Variants in DLG2 observed in about 807,000 individuals in gnomAD.
DLG2 encodes the protein discs large MAGUK scaffold protein 2.
Under a neutral mutation model 132.5 loss-of-function variants are expected in DLG2, and 45 were observed. The observed-to-expected ratio is 0.34, with a 90% CI of 0.27 to 0.44. The LOEUF is 0.44. DLG2 is among the 20% of genes least tolerant of loss of function. DLG2 has a pLI of 1.00. For missense variants in DLG2, 1,045 were observed against 1,196.9 expected (o/e 0.87, Z 1.87); for synonymous variants, 424 against 419.6 (o/e 1.01, Z -0.13).
intron 4 of DLG2, among the ~76,000 whole-genome samples, chr11:85,216,617 A>C (rs2082613690): frequency 1.3e-5 from 2 of 152,206 alleles, no homozygotes. Context: ...AATTTGATTT[A>C]GGTAGGTACC....
chr11:85,399,207 G>C (rs1317672843), intron 3 of DLG2, among the ~76,000 whole-genome samples: 1 of 152,032 alleles, frequency 6.6e-6, no homozygotes, highest in Non-Finnish European at 1.5e-5. Flanking sequence ...AAAATACCTA[G>C]GAATCCAACT....
chr11:85,618,707 T>C (rs919018449), intron 2 of DLG2, among the ~76,000 whole-genome samples: 1 of 152,168 alleles, frequency 6.6e-6, no homozygotes, highest in Non-Finnish European at 1.5e-5. Flanking sequence ...TCACACAATA[T>C]ACTCATGTAA....
intron 16 of DLG2, among the ~76,000 whole-genome samples, chr11:83,842,004 T>C (rs1473076113): frequency 6.6e-6 from 1 of 152,236 alleles, no homozygotes; most frequent in East Asian, 1.9e-4. Flanking sequence ...TCTTAAAAGG[T>C]ATTATTCTTT....
intron 6 of DLG2, among the ~76,000 whole-genome samples, chr11:84,695,242 T>C (rs1454667784): frequency 2.6e-5 from 4 of 151,546 alleles, no homozygotes; most frequent in Non-Finnish European, 3.0e-5. Flanking sequence ...AGTGAATTCA[T>C]AGAGGTTAAG....
intron 19 of DLG2, among the ~76,000 whole-genome samples, chr11:83,619,212 C>G (rs943463971): frequency 3.9e-5 from 6 of 152,164 alleles, no homozygotes; most frequent in African/African-American, 7.2e-5. Context: ...ACTAGTATAA[C>G]TTCATGTCAA....
chr11:85,053,114 T>C (rs1389469047), intron 6 of DLG2, among the ~76,000 whole-genome samples: 1 of 152,178 alleles, frequency 6.6e-6, no homozygotes, highest in Non-Finnish European at 1.5e-5. Context: ...ACATCCTAGC[T>C]AATCGACTAT....
intron 6 of DLG2, among the ~76,000 whole-genome samples, chr11:84,814,254 G>A (rs1333766782): frequency 6.6e-6 from 1 of 152,050 alleles, no homozygotes; most frequent in Non-Finnish European, 1.5e-5. Flanking sequence ...ACGTTGAGCA[G>A]TGGATGAGCA....
At chr11:84,793,814 G>C (rs889203876) in intron 6 of DLG2, among the ~76,000 whole-genome samples, 1 of 152,050 alleles carries the variant, frequency 6.6e-6, no homozygotes, top group Admixed American at 6.6e-5. Flanking sequence ...TTTCTTATAG[G>C]GAACAGATAA....
At chr11:85,604,689 G>A (rs1565748925) in intron 2 of DLG2, among the ~76,000 whole-genome samples, 1 of 152,010 alleles carries the variant, frequency 6.6e-6, no homozygotes, top group Non-Finnish European at 1.5e-5. Context: ...GGAAATGGGG[G>A]GGAAGGGAGA....
chr11:84,632,078 T>A (rs1288340927), intron 6 of DLG2, among the ~76,000 whole-genome samples: 1 of 152,192 alleles, frequency 6.6e-6, no homozygotes, highest in Non-Finnish European at 1.5e-5. Flanking sequence ...TTATTTATAC[T>A]AAACAGTTTT....
intron 7 of DLG2, among the ~76,000 whole-genome samples, chr11:84,432,508 T>C (rs1233100674): frequency 6.6e-6 from 1 of 151,414 alleles, no homozygotes; most frequent in Non-Finnish European, 1.5e-5. Context: ...GACTTCAGGC[T>C]GGATAGCAAA....
intron 6 of DLG2, among the ~76,000 whole-genome samples, chr11:84,938,641 T>C (rs767003777): frequency 5.9e-5 from 9 of 152,214 alleles, no homozygotes; most frequent in Non-Finnish European, 1.3e-4. Flanking sequence ...TTAAAATTCA[T>C]AAATGTGTTG....
At chr11:84,803,022 TCTC>T (rs2075599534) in intron 6 of DLG2, among the ~76,000 whole-genome samples, 1 of 152,072 alleles carries the variant, frequency 6.6e-6, no homozygotes, top group Non-Finnish European at 1.5e-5. Flanking sequence ...ATTGCCTCAA[TCTC>T]CTGACCCTCG....
At chr11:84,823,523 C>A (rs1440642962) in intron 6 of DLG2, among the ~76,000 whole-genome samples, 1 of 149,270 alleles carries the variant, frequency 6.7e-6, no homozygotes, top group Non-Finnish European at 1.5e-5. Context: ...TTACTCAAAT[C>A]TTATCTTCTT....
chr11:85,374,520 G>C (rs2085247161), intron 3 of DLG2, among the ~76,000 whole-genome samples: 1 of 152,168 alleles, frequency 6.6e-6, no homozygotes, highest in African/African-American at 2.4e-5. Flanking sequence ...TGTATTTTTA[G>C]TAGAGATGGG....
intron 16 of DLG2, 105 bp downstream of exon 16, chr11:83,874,315 G>T: frequency 1.6e-6 from 1 of 615,462 alleles, no homozygotes; most frequent in Non-Finnish European, 2.5e-6. Flanking sequence ...AAAGAAGGAA[G>T]GGAGGGAGGG....
chr11:83,738,988 G>A lies in DLG2; in HGVS notation c.1825+47702C>T, dbSNP rs140827534. Reference sequence around the variant, plus strand: ...AAGCAGAGCTCAGTTAAGTGTGCATGATGGTTCAAATGGTTCTATTTATAT... The same window carrying A: ...AAGCAGAGCTCAGTTAAGTGTGCATAATGGTTCAAATGGTTCTATTTATAT... On this transcript the variant is annotated intron_variant, in intron 18 of 27. Coordinates refer to ENST00000376104, the MANE Select transcript of DLG2 (RefSeq NM_001142699.3). 2.4e-4 allele frequency among the ~76,000 whole-genome samples: 37 copies of A among 152,272 alleles called. 1 individual carries two copies. The East Asian group carries it at 7.1e-3, about 29-fold the overall frequency.
intron 18 of DLG2, among the ~76,000 whole-genome samples, chr11:83,723,277 G>C (rs2089173289): frequency 6.6e-6 from 1 of 152,174 alleles, no homozygotes; most frequent in Admixed American, 6.5e-5. Context: ...CTACTTGGGA[G>C]GCTGAGGCAG....
intron 16 of DLG2, among the ~76,000 whole-genome samples, chr11:83,841,071 T>C (rs2057417549): frequency 6.6e-6 from 1 of 152,184 alleles, no homozygotes; most frequent in African/African-American, 2.4e-5. Context: ...ACTCTGGGTC[T>C]GATTAATATA....
Sources: allele counts gnomAD v4.1 joint callset (sites outside exome capture counted in the v4.1 genomes callset), GRCh38; gene constraint gnomAD v4.1.1; transcripts MANE v1.5; gene names NCBI Gene and HGNC (gene_info 2026-07-23, HGNC 2026-07-21).